Variants in SMURF1 observed in about 807,000 individuals in gnomAD.
SMURF1 encodes the protein SMAD specific E3 ubiquitin protein ligase 1, also known as E3 ubiquitin-protein ligase SMURF1.
Under a neutral mutation model 98.0 loss-of-function variants are expected in SMURF1, and 44 were observed. That is an observed-to-expected ratio of 0.45 (90% CI 0.35 to 0.58). The LOEUF is 0.58. SMURF1 is among the 20% of genes least tolerant of loss of function. SMURF1 has a pLI of 0.00. For synonymous variants in SMURF1, 396 were observed against 374.9 expected (o/e 1.06, Z -0.65); for missense variants, 687 against 938.4 (o/e 0.73, Z 3.50).
rs570818003 is a variant in SMURF1 at position 99,048,264 on chromosome 7, T to G, written c.954-382A>C. On this transcript the variant is annotated intron_variant, in intron 9 of 17. Transcript: ENST00000361368. ...ATTAGCCAGGTGTGGTGGTGGGCAC[T>G]TATAATCCCAGCTACTCAGGAGGCT... 1.5e-3 allele frequency: 309 copies of G among 210,582 alleles called. 6 individuals are homozygous for G. In the South Asian group the frequency reaches 0.022, roughly 15 times the overall value. 13.0% of individuals were successfully genotyped at this position (210,582 alleles called of 1,614,324 possible). A position where few individuals can be genotyped will look rare whatever the true frequency, so the allele number is the denominator to read the frequency against.
intron 3 of SMURF1, 26 bp downstream of exon 3, chr7:99,060,573 T>A: frequency 6.4e-7 from 1 of 1,555,638 alleles, no homozygotes; most frequent in Non-Finnish European, 8.9e-7. Context: ...CCGCTCCGCA[T>A]GGGGCTTACA....
intron 1 of SMURF1, among the ~76,000 whole-genome samples, chr7:99,143,342 G>A (rs1798180454): frequency 7.0e-6 from 1 of 142,132 alleles, no homozygotes; most frequent in Non-Finnish European, 1.5e-5. Context: ...GGGGAGAGGT[G>A]AGGGGAAAGG....
chr7:99,061,693 A>C, intron 2 of SMURF1, 106 bp downstream of exon 2: 1 of 805,486 alleles, frequency 1.2e-6, no homozygotes. Flanking sequence ...CTATTAAGTA[A>C]AGGGCAAAAC....
chr7:99,103,011 C>G (rs1433295825), intron 1 of SMURF1, among the ~76,000 whole-genome samples: 1 of 151,778 alleles, frequency 6.6e-6, no homozygotes, highest in Non-Finnish European at 1.5e-5. Context: ...ACTATGTTGC[C>G]CAGGCTGGTT....
intron 1 of SMURF1, among the ~76,000 whole-genome samples, chr7:99,068,554 C>A (rs966393234): frequency 6.6e-6 from 1 of 152,188 alleles, no homozygotes; most frequent in Non-Finnish European, 1.5e-5. Flanking sequence ...CCTGCCTCAG[C>A]CTCCCCAAGT....
At chr7:99,072,777 C>A (rs1271082064) in intron 1 of SMURF1, among the ~76,000 whole-genome samples, 1 of 152,196 alleles carries the variant, frequency 6.6e-6, no homozygotes, top group East Asian at 1.9e-4. Context: ...CTTATAATTT[C>A]TTTCCTATTT....
chr7:99,102,907 G>A (rs751871749), intron 1 of SMURF1, among the ~76,000 whole-genome samples: 4 of 151,932 alleles, frequency 2.6e-5, no homozygotes, highest in Non-Finnish European at 5.9e-5. Flanking sequence ...GGGCTCAAGC[G>A]ATCCTCCCAC....
At chr7:99,058,687 C>T (rs1795946076) in intron 3 of SMURF1, among the ~76,000 whole-genome samples, 1 of 152,078 alleles carries the variant, frequency 6.6e-6, no homozygotes, top group African/African-American at 2.4e-5. Context: ...CTTAAAAATC[C>T]CACCCAAATA....
At position 99,134,692 on chromosome 7, in the gene SMURF1, A is replaced by T. The variant is rs563591863; in HGVS notation, c.55+9034T>A. 2.8e-4 allele frequency among the ~76,000 whole-genome samples: 42 copies of T among 152,318 alleles called. No individual in the cohort carries two copies. The South Asian group carries it at 7.0e-3, about 26-fold the overall frequency. On this transcript the variant is annotated intron_variant, in intron 1 of 17. Coordinates refer to ENST00000361368, the MANE Select transcript of SMURF1 (RefSeq NM_181349.3). ...CTTGGAAAAATACTAAATTATTATT[A>T]CTGGCTTATGCAAATGAGCATTTTA...
chr7:99,051,100 T>G, intron 8 of SMURF1: 1 of 1,064,942 alleles, frequency 9.4e-7, no homozygotes, highest in Non-Finnish European at 1.4e-6. Context: ...TTAGTGATCA[T>G]AAGGAATTGC....
chr7:99,086,405 A>AG (rs1796680564), intron 1 of SMURF1, among the ~76,000 whole-genome samples: 2 of 152,122 alleles, frequency 1.3e-5, no homozygotes, highest in Non-Finnish European at 2.9e-5. Context: ...TAAAAAAAAA[A>AG]AAAAATACAG....
At chr7:99,098,995 G>A (rs1277900431) in intron 1 of SMURF1, among the ~76,000 whole-genome samples, 1 of 152,188 alleles carries the variant, frequency 6.6e-6, no homozygotes, top group Non-Finnish European at 1.5e-5. Flanking sequence ...GTGATGGGAA[G>A]ACAAGAAGGA....
intron 1 of SMURF1, among the ~76,000 whole-genome samples, chr7:99,120,066 T>C (rs1797569655): frequency 6.6e-6 from 1 of 151,974 alleles, no homozygotes; most frequent in Non-Finnish European, 1.5e-5. Flanking sequence ...TGGTAATGAG[T>C]CAGTTCTTGC....
intron 1 of SMURF1, among the ~76,000 whole-genome samples, chr7:99,100,747 C>T (rs1235730879): frequency 1.3e-5 from 2 of 152,160 alleles, no homozygotes; most frequent in Non-Finnish European, 2.9e-5. Flanking sequence ...AACATTCTAT[C>T]AACAGTCAAA....
At chr7:99,125,453 G>A (rs1025429748) in intron 1 of SMURF1, among the ~76,000 whole-genome samples, 2 of 152,122 alleles carry the variant, frequency 1.3e-5, no homozygotes, top group Non-Finnish European at 2.9e-5. Flanking sequence ...TAAACTTTGG[G>A]CCCAATAAAG....
intron 6 of SMURF1, among the ~76,000 whole-genome samples, chr7:99,053,483 CAT>C (rs898704852): frequency 6.6e-6 from 1 of 152,172 alleles, no homozygotes; most frequent in Admixed American, 6.5e-5. Context: ...CCAATTGTCT[CAT>C]AAATCAGGAT....
intron 6 of SMURF1, 69 bp downstream of exon 6, chr7:99,054,721 G>A (rs1046912674): frequency 3.0e-5 from 40 of 1,347,094 alleles, no homozygotes; most frequent in Non-Finnish European, 3.5e-5. Flanking sequence ...AGGGAAGGGC[G>A]CTTTCCTATA....
At chr7:99,046,919 G>A (rs1050141726) in intron 10 of SMURF1, among the ~76,000 whole-genome samples, 3 of 152,112 alleles carry the variant, frequency 2.0e-5, no homozygotes, top group Non-Finnish European at 2.9e-5. Flanking sequence ...CCCAGCCCTC[G>A]CGGTGGGGAA....
chr7:99,101,706 G>A (rs957306726), intron 1 of SMURF1, among the ~76,000 whole-genome samples: 3 of 152,166 alleles, frequency 2.0e-5, no homozygotes, highest in Admixed American at 6.5e-5. Flanking sequence ...TCGGGAGGCC[G>A]AGGCAGGCGG....
Sources: allele counts gnomAD v4.1 joint callset (sites outside exome capture counted in the v4.1 genomes callset), GRCh38; gene constraint gnomAD v4.1.1; transcripts MANE v1.5; gene names NCBI Gene and HGNC (gene_info 2026-07-23, HGNC 2026-07-21).